Variants in PABPC4 observed in about 807,000 individuals in gnomAD.
The protein encoded by PABPC4 is poly(A) binding protein cytoplasmic 4.
Under a neutral mutation model 74.5 loss-of-function variants are expected in PABPC4, and 15 were observed. The observed-to-expected ratio is 0.20, with a 90% CI of 0.13 to 0.31. The LOEUF (loss-of-function observed/expected upper bound fraction) is 0.31. Ranked by LOEUF, PABPC4 falls within the 10% of genes least tolerant of loss-of-function variation. The probability of loss-of-function intolerance (pLI) is 1.00; values close to 1 mark genes in which losing one functional copy is unlikely to be tolerated. For synonymous variants in PABPC4, 345 were observed against 303.0 expected (o/e 1.14, Z -1.44); for missense variants, 610 against 853.5 (o/e 0.71, Z 3.55).
Position 39,572,860 on chromosome 1 carries a change from A to G in PABPC4, c.194-274T>C, listed in dbSNP as rs115782475. Among the ~76,000 whole-genome samples, 746 of 152,346 alleles carry G rather than the reference A, an allele frequency of 4.9e-3. 4 individuals carry two copies. Among genetic ancestry groups the G allele is most frequent in the African/African-American group, 0.017 (706 of 41,586 alleles). Reference sequence around the variant, plus strand: ...AAGGGGCCACAAGTAAAGATAATCTAAATGGCCTTAATGACACCAAGATCC... The same window carrying G: ...AAGGGGCCACAAGTAAAGATAATCTGAATGGCCTTAATGACACCAAGATCC... On this transcript the variant is annotated intron_variant, in intron 1 of 15. Coordinates refer to ENST00000372858, the MANE Select transcript of PABPC4 (RefSeq NM_001135653.2).
chr1:39,561,094 T>C lies in PABPC4; in HGVS notation c.*42A>G, dbSNP rs1340204563. The C allele has an allele frequency of 2.1e-6, 1 of 470,316 alleles. No homozygotes were observed. Among genetic ancestry groups the C allele is most frequent in the Non-Finnish European group, 4.4e-6 (1 of 226,506 alleles). The allele number at this position is 470,316 out of a possible 1,614,324, so 29.1% of individuals were successfully genotyped here. On this transcript the variant is annotated 3_prime_UTR_variant, in exon 16 of 16. Coordinates refer to ENST00000372858, the MANE Select transcript of PABPC4 (RefSeq NM_001135653.2). Reference sequence around the variant, plus strand: ...GAAGTCTTCAAACCTTGAGTTGAATTCCATAAGGGGTTATTTGGCTTTTGA... The same window carrying C: ...GAAGTCTTCAAACCTTGAGTTGAATCCCATAAGGGGTTATTTGGCTTTTGA...
chr1:39,568,685 A>G (rs2124456573), intron 6 of PABPC4, 117 bp downstream of exon 6: 5 of 925,726 alleles, frequency 5.4e-6, no homozygotes, highest in Non-Finnish European at 8.3e-6. Context: ...CTTTTTAGGT[A>G]AAATGGGAAG....
rs1026620410 is a variant in PABPC4 at position 39,569,504 on chromosome 1, C to T, written c.738+91G>A. On this transcript the variant is annotated intron_variant, in intron 5 of 15. Transcript: ENST00000372858. The stretch of plus-strand genomic sequence containing the variant: ...TACATCTACTACCAGATACTCAGAC[C>T]GTCCCAGCTCTAGGTAGGTGCTAGC... 34 of 858,886 alleles carry T rather than the reference C, an allele frequency of 4.0e-5. No homozygotes were observed. The East Asian group carries it at 4.1e-4, about 10-fold the overall frequency. The allele number at this position is 858,886 out of a possible 1,614,324, so 53.2% of individuals were successfully genotyped here. A position where few individuals can be genotyped will look rare whatever the true frequency, so the allele number is the denominator to read the frequency against.
intron 10 of PABPC4, 46 bp downstream of exon 10, chr1:39,564,377 G>A (rs1557714036): frequency 6.2e-7 from 1 of 1,603,154 alleles, no homozygotes; most frequent in African/African-American, 1.3e-5. Context: ...TAGTCATCCT[G>A]ACTCCCTCCT....
At position 39,572,591 on chromosome 1, in the gene PABPC4, A is replaced by G. The variant is rs773113362; in HGVS notation, c.194-5T>C. The G allele has an allele frequency of 8.1e-6, 13 of 1,610,628 alleles. No individual in the cohort carries two copies. Among genetic ancestry groups the G allele is most frequent in the Non-Finnish European group, 1.0e-5 (12 of 1,177,448 alleles). On this transcript the variant is annotated splice_polypyrimidine_tract_variant and splice_region_variant and intron_variant, in intron 1 of 15. Transcript: ENST00000372858. ...TGGTGTCCAAAGCCCGCTCAGCTGT[A>G]AGAGAGAAACACATTTCAATAAGGA...
chr1:39,570,104 A>C, intron 3 of PABPC4, 102 bp from the exon 4 acceptor site: 2 of 1,161,314 alleles, frequency 1.7e-6, no homozygotes, highest in Non-Finnish European at 2.5e-6. Flanking sequence ...AGAGGTTAAA[A>C]CACGAGATCC....
intron 10 of PABPC4, chr1:39,564,196 C>A: frequency 1.6e-6 from 1 of 634,512 alleles, no homozygotes; most frequent in South Asian, 2.0e-5. Context: ...CTACAACTAA[C>A]CTTTTTCACA....
At chr1:39,564,852 A>G in intron 8 of PABPC4, 79 bp from the exon 9 acceptor site, 1 of 1,132,496 alleles carries the variant, frequency 8.8e-7, no homozygotes, top group Non-Finnish European at 1.3e-6. Context: ...CATCTCACTA[A>G]CCAGGACCTA....
intron 8 of PABPC4, 68 bp downstream of exon 8, chr1:39,565,038 T>A (rs187339932): frequency 1.2e-4 from 184 of 1,535,524 alleles, no homozygotes; most frequent in Admixed American, 3.5e-4. Flanking sequence ...AAAATCCCTC[T>A]CCCCAACCAC....
rs1178558164 is a variant in PABPC4, at chr1:39,563,834, A to AC, written c.1540+1dup. The AC allele has an allele frequency of 6.2e-7, 1 of 1,613,804 alleles. No homozygotes were observed. Among genetic ancestry groups the AC allele is most frequent in the South Asian group, 1.1e-5 (1 of 91,042 alleles). The stretch of plus-strand genomic sequence containing the variant: ...CCCCCTTCTGTGTGCATCCAATACC[A>AC]CCTCCAGACTGGCAGCTGTCAGTCA... On this transcript the variant is annotated splice_donor_variant, in intron 11 of 15. Coordinates refer to ENST00000372858, the MANE Select transcript of PABPC4 (RefSeq NM_001135653.2). LOFTEE classifies it high-confidence loss of function.
chr1:39,571,685 T>TG (rs1645942940), intron 2 of PABPC4: 2 of 480,316 alleles, frequency 4.2e-6, no homozygotes, highest in Non-Finnish European at 8.2e-6. Context: ...GCCAGATCGT[T>TG]GGACAATGGA....
At chr1:39,561,867 C>A in intron 14 of PABPC4, 80 bp from the exon 15 acceptor site, 1 of 1,318,260 alleles carries the variant, frequency 7.6e-7, no homozygotes. Context: ...AGTGGTGGAC[C>A]AAAGCCAACT....
At chr1:39,562,587 AG>A in intron 12 of PABPC4, 171 bp from the exon 13 acceptor site, 1 of 580,272 alleles carries the variant, frequency 1.7e-6, no homozygotes, top group Non-Finnish European at 3.1e-6. Flanking sequence ...GGGTGTGTTG[AG>A]GAACAGAGTG....
At chr1:39,570,781 T>TG (rs958861699) in intron 3 of PABPC4, among the ~76,000 whole-genome samples, 7 of 152,112 alleles carry the variant, frequency 4.6e-5, no homozygotes, top group Admixed American at 4.6e-4. Context: ...AGTTAGAAAA[T>TG]GGAGAACCGC....
intron 5 of PABPC4, 167 bp downstream of exon 5, chr1:39,569,428 A>C (rs1302236093): frequency 1.6e-5 from 10 of 620,458 alleles, no homozygotes; most frequent in Non-Finnish European, 2.6e-5. Flanking sequence ...AAACACCTAC[A>C]TGAAGTTAAC....
At chr1:39,561,326 C>T (rs1436396292) in intron 15 of PABPC4, 4 of 342,274 alleles carry the variant, frequency 1.2e-5, no homozygotes, top group East Asian at 7.3e-5. Flanking sequence ...GATGACAAGG[C>T]TCCTGAGGCC....
intron 8 of PABPC4, 121 bp downstream of exon 8, chr1:39,564,985 C>G (rs368134817): frequency 4.4e-6 from 5 of 1,130,476 alleles, no homozygotes; most frequent in Non-Finnish European, 6.3e-6. Flanking sequence ...TTCATTTTTA[C>G]TTGAAGGGTC....
intron 14 of PABPC4, 57 bp from the exon 15 acceptor site, chr1:39,561,844 A>C: frequency 6.8e-7 from 1 of 1,476,650 alleles, no homozygotes; most frequent in South Asian, 1.1e-5. Context: ...ACCCCTCCCC[A>C]GTGCCCAGAC....
chr1:39,570,822 G>C (rs984014555), intron 3 of PABPC4, among the ~76,000 whole-genome samples: 2 of 152,170 alleles, frequency 1.3e-5, no homozygotes. Flanking sequence ...CACTAGCGAG[G>C]GACCCATGGA....
Sources: gnomAD v4.1 joint callset for allele counts (sites outside exome capture counted in the v4.1 genomes callset) on GRCh38, gnomAD v4.1.1 for gene constraint, MANE v1.5 for transcripts, NCBI Gene and HGNC (gene_info 2026-07-23, HGNC 2026-07-21) for gene names.